The following CELF2 variants were observed in gnomAD, a reference collection of about 807,000 sequenced individuals.
CELF2 encodes CUGBP Elav-like family member 2.
A neutral mutation model predicts 62.6 loss-of-function variants in CELF2; 8 were observed. That is an observed-to-expected ratio of 0.13 (90% confidence interval 0.07 to 0.23). The LOEUF (loss-of-function observed/expected upper bound fraction) is 0.23, where lower values mean the gene tolerates loss of function less well. Ranked by LOEUF, CELF2 falls within the 10% of genes least tolerant of loss-of-function variation. The pLI is 1.00. For missense variants in CELF2, 333 were observed against 671.0 expected (o/e 0.50, Z 5.56); for synonymous variants, 258 against 250.0 (o/e 1.03, Z -0.30).
At chr10:10,694,783 T>C in the CELF2 span, among the ~76,000 whole-genome samples, 2 of 151,866 alleles carry the variant, frequency 1.3e-5, no homozygotes, top group African/African-American at 4.9e-5. Flanking sequence ...TCTTTGTCTC[T>C]TTTGATCTTT....
intron 1 of CELF2, among the ~76,000 whole-genome samples, chr10:10,852,557 G>C (rs1409024285): frequency 6.6e-6 from 1 of 152,152 alleles, no homozygotes; most frequent in Non-Finnish European, 1.5e-5. Context: ...TCCTACACGT[G>C]TGGCAAAATT....
intron 2 of CELF2, among the ~76,000 whole-genome samples, chr10:10,971,143 T>C (rs1310486723): frequency 1.3e-5 from 2 of 152,164 alleles, no homozygotes; most frequent in African/African-American, 4.8e-5. Flanking sequence ...CTCCTTGTCA[T>C]ATCTGCTTCT....
chr10:10,661,748 T>C, the CELF2 span, among the ~76,000 whole-genome samples: 3 of 152,172 alleles, frequency 2.0e-5, no homozygotes, highest in Non-Finnish European at 2.9e-5. Flanking sequence ...GGAATTCTTA[T>C]GCAAGGAGTG....
At chr10:10,887,297 C>T (rs532689935) in intron 1 of CELF2, among the ~76,000 whole-genome samples, 10 of 152,294 alleles carry the variant, frequency 6.6e-5, no homozygotes, top group Middle Eastern at 6.8e-3. Flanking sequence ...ACAGATAGCA[C>T]GTGAAGTTCA....
the CELF2 span, among the ~76,000 whole-genome samples, chr10:10,748,712 C>T: frequency 7.5e-6 from 1 of 133,198 alleles, no homozygotes; most frequent in Non-Finnish European, 1.5e-5. Flanking sequence ...TGTGCCACTA[C>T]ACTCCATCCT....
At chr10:10,716,010 C>T in the CELF2 span, among the ~76,000 whole-genome samples, 1 of 152,130 alleles carries the variant, frequency 6.6e-6, no homozygotes, top group African/African-American at 2.4e-5. Flanking sequence ...AAACAAACTT[C>T]ATTCTTTGTT....
intron 2 of CELF2, among the ~76,000 whole-genome samples, chr10:11,167,404 CG>C (rs2067541572): frequency 6.6e-6 from 1 of 152,200 alleles, no homozygotes; most frequent in African/African-American, 2.4e-5. Context: ...AAGGAAAATG[CG>C]ACTCCAAATT....
chr10:11,127,185 G>T (rs374363942), intron 1 of CELF2, among the ~76,000 whole-genome samples: 16 of 152,018 alleles, frequency 1.1e-4, no homozygotes, highest in African/African-American at 3.4e-4. Context: ...CAGAATGATG[G>T]TTTCCGACTG....
chr10:10,651,018 C>A, the CELF2 span, among the ~76,000 whole-genome samples: 2 of 151,816 alleles, frequency 1.3e-5, no homozygotes, highest in Admixed American at 1.3e-4. Flanking sequence ...GTGCGCGCAC[C>A]GTGCGCGAGC....
the CELF2 span, among the ~76,000 whole-genome samples, chr10:10,466,594 G>A: frequency 5.9e-5 from 9 of 152,202 alleles, no homozygotes; most frequent in African/African-American, 2.2e-4. Flanking sequence ...TCATATGGTA[G>A]AGATATGTTG....
chr10:11,058,979 C>T (rs1488937321), intron 1 of CELF2, among the ~76,000 whole-genome samples: 3 of 152,224 alleles, frequency 2.0e-5, no homozygotes, highest in East Asian at 1.9e-4. Flanking sequence ...CGGGGGGTTT[C>T]GCCATCTTGC....
intron 1 of CELF2, among the ~76,000 whole-genome samples, chr10:10,879,836 A>T (rs1411817837): frequency 6.6e-6 from 1 of 151,990 alleles, no homozygotes; most frequent in Non-Finnish European, 1.5e-5. Flanking sequence ...CCCCAACTCC[A>T]CACCTGCCAC....
At chr10:10,808,179 G>T (rs1287484342) in intron 1 of CELF2, among the ~76,000 whole-genome samples, 1 of 152,158 alleles carries the variant, frequency 6.6e-6, no homozygotes, top group Non-Finnish European at 1.5e-5. Context: ...CTGGAATTAT[G>T]ACTGACGACA....
the CELF2 span, among the ~76,000 whole-genome samples, chr10:10,540,875 A>G: frequency 1.3e-5 from 2 of 152,234 alleles, no homozygotes; most frequent in African/African-American, 4.8e-5. Flanking sequence ...CAGTATCCTG[A>G]CTGTCAGCCC....
intron 3 of CELF2, among the ~76,000 whole-genome samples, chr10:11,248,122 G>A (rs1418976059): frequency 6.6e-6 from 1 of 152,248 alleles, no homozygotes; most frequent in Non-Finnish European, 1.5e-5. Context: ...TATAATGAAA[G>A]CATTTGCGCA....
intron 1 of CELF2, among the ~76,000 whole-genome samples, chr10:10,877,678 A>G (rs11256887): frequency 0.31 from 46,769 of 152,096 alleles, 8,851 homozygotes; most frequent in East Asian, 0.74. Context: ...TTTCTCAGCA[A>G]CCTGAAATTT....
chr10:10,890,252 A>G (rs371909992), intron 1 of CELF2, among the ~76,000 whole-genome samples: 42 of 152,304 alleles, frequency 2.8e-4, no homozygotes, highest in African/African-American at 9.4e-4. Flanking sequence ...GTATTTCCAT[A>G]TAACTTTATG....
chr10:10,634,326 A>T, the CELF2 span, among the ~76,000 whole-genome samples: 5 of 152,228 alleles, frequency 3.3e-5, no homozygotes, highest in East Asian at 7.7e-4. Context: ...GCCTAGAAAT[A>T]GGCCCTTCTC....
chr10:10,910,244 A>G (rs935802352), intron 1 of CELF2, among the ~76,000 whole-genome samples: 4 of 152,216 alleles, frequency 2.6e-5, no homozygotes, highest in African/African-American at 9.6e-5. Context: ...GAAGCCACGT[A>G]TGAATTGCAG....
Sources: allele counts gnomAD v4.1 joint callset (sites outside exome capture counted in the v4.1 genomes callset), GRCh38; gene constraint gnomAD v4.1.1; transcripts MANE v1.5; gene names NCBI Gene and HGNC (gene_info 2026-07-23, HGNC 2026-07-21).